The following FRMD4A variants were observed in gnomAD, a reference collection of about 807,000 sequenced individuals.
The protein encoded by FRMD4A is FERM domain containing 4A.
Under a neutral mutation model 129.1 loss-of-function variants are expected in FRMD4A, and 29 were observed. That is an observed-to-expected ratio of 0.22 (90% confidence interval 0.17 to 0.31). The LOEUF is 0.31. Ranked by LOEUF, FRMD4A falls within the 10% of genes least tolerant of loss-of-function variation. The pLI is 1.00. For synonymous variants in FRMD4A, 634 were observed against 571.6 expected (o/e 1.11, Z -1.56); for missense variants, 1,272 against 1,375.8 (o/e 0.92, Z 1.19).
intron 2 of FRMD4A, among the ~76,000 whole-genome samples, chr10:13,925,883 C>CTTTT (rs150868660): frequency 3.0e-5 from 4 of 135,538 alleles, no homozygotes; most frequent in Admixed American, 7.3e-5. Flanking sequence ...GCACCTGGCT[C>CTTTT]TTTTTTTTTT....
intron 2 of FRMD4A, among the ~76,000 whole-genome samples, chr10:14,010,867 C>T (rs1030112019): frequency 7.9e-5 from 12 of 152,132 alleles, no homozygotes; most frequent in South Asian, 2.1e-4. Context: ...GATATGCATT[C>T]ATACTCTCAC....
chr10:13,874,040 A>G (rs1316922016), intron 2 of FRMD4A, among the ~76,000 whole-genome samples: 1 of 150,366 alleles, frequency 6.7e-6, no homozygotes, highest in Non-Finnish European at 1.5e-5. Flanking sequence ...AGAGGTCAGG[A>G]GTTGAGACCA....
At chr10:14,096,023 C>T (rs1338783681) in intron 2 of FRMD4A, among the ~76,000 whole-genome samples, 1 of 152,236 alleles carries the variant, frequency 6.6e-6, no homozygotes, top group East Asian at 1.9e-4. Context: ...CCTCGCCATC[C>T]TGTTCTTGGG....
At chr10:14,161,282 T>C (rs768434526) in intron 2 of FRMD4A, among the ~76,000 whole-genome samples, 6 of 152,116 alleles carry the variant, frequency 3.9e-5, no homozygotes, top group African/African-American at 7.2e-5. Context: ...AAACTAGAAA[T>C]AGAGCTACCA....
At chr10:14,094,705 T>C (rs764245425) in intron 2 of FRMD4A, among the ~76,000 whole-genome samples, 2 of 152,184 alleles carry the variant, frequency 1.3e-5, no homozygotes, top group African/African-American at 4.8e-5. Flanking sequence ...TGATCTTTGG[T>C]GACTCTGTTC....
intron 4 of FRMD4A, among the ~76,000 whole-genome samples, chr10:13,800,359 T>C (rs939668959): frequency 6.6e-6 from 1 of 152,170 alleles, no homozygotes; most frequent in Admixed American, 6.5e-5. Flanking sequence ...CCAATGACAA[T>C]GTAGGCTTAA....
chr10:14,312,021 T>A (rs12761159), intron 2 of FRMD4A, among the ~76,000 whole-genome samples: 2,400 of 152,282 alleles, frequency 0.016, 31 homozygotes, highest in African/African-American at 0.026. Flanking sequence ...ATCTTAGATA[T>A]CTGTTCAGTA....
rs548698373 is a variant in FRMD4A, at chr10:13,727,091, G to A, written c.759+10753C>T. Among the ~76,000 whole-genome samples the A allele has an allele frequency of 5.3e-5, 8 of 152,030 alleles. No individual in the cohort carries two copies. In the East Asian group the frequency reaches 1.2e-3, roughly 22 times the overall value. The stretch of plus-strand genomic sequence containing the variant: ...CTAATTTTGTATTTTTAGTAGAGAC[G>A]GGGCTTCGCTATGTTGGCCAGGCTG... On this transcript the variant is annotated intron_variant, in intron 12 of 24. Coordinates refer to ENST00000357447, the MANE Select transcript of FRMD4A (RefSeq NM_018027.5).
chr10:13,828,640 C>G (rs1048570521), intron 3 of FRMD4A, among the ~76,000 whole-genome samples: 1 of 151,788 alleles, frequency 6.6e-6, no homozygotes, highest in African/African-American at 2.4e-5. Context: ...TCAAGCAATT[C>G]TCCTGCCTCA....
At chr10:14,254,383 C>T (rs927332266) in intron 2 of FRMD4A, among the ~76,000 whole-genome samples, 1 of 152,134 alleles carries the variant, frequency 6.6e-6, no homozygotes, top group Non-Finnish European at 1.5e-5. Flanking sequence ...ATGTCGTTTG[C>T]TTTGTCTGAG....
At chr10:13,725,760 C>T (rs774627462) in intron 12 of FRMD4A, among the ~76,000 whole-genome samples, 9 of 152,172 alleles carry the variant, frequency 5.9e-5, no homozygotes, top group Admixed American at 1.3e-4. Flanking sequence ...CACAAAGAGA[C>T]GTTGTTTGCT....
intron 2 of FRMD4A, among the ~76,000 whole-genome samples, chr10:14,214,146 CT>C (rs1470310205): frequency 2.6e-5 from 4 of 152,168 alleles, no homozygotes; most frequent in Non-Finnish European, 5.9e-5. Context: ...ACCTCTTTTT[CT>C]TTTTTAATGA....
intron 2 of FRMD4A, among the ~76,000 whole-genome samples, chr10:14,185,441 G>T (rs558202629): frequency 6.6e-6 from 1 of 152,348 alleles, no homozygotes; most frequent in South Asian, 2.1e-4. Context: ...TACAGATGAG[G>T]ATGTCGTGGC....
chr10:13,752,907 G>A (rs1019448593), intron 8 of FRMD4A, among the ~76,000 whole-genome samples: 1 of 152,216 alleles, frequency 6.6e-6, no homozygotes, highest in Non-Finnish European at 1.5e-5. Flanking sequence ...GCATATCCAT[G>A]TTTTGGGCTG....
intron 2 of FRMD4A, among the ~76,000 whole-genome samples, chr10:14,318,612 CAA>C (rs66547751): frequency 0.26 from 35,337 of 134,926 alleles, 4,577 homozygotes; most frequent in Admixed American, 0.33. Context: ...TGCTAGTATG[CAA>C]AAAAAAAAAA....
intron 2 of FRMD4A, among the ~76,000 whole-genome samples, chr10:14,090,096 T>C (rs1011400248): frequency 6.6e-6 from 1 of 152,106 alleles, no homozygotes; most frequent in Non-Finnish European, 1.5e-5. Context: ...TGGGAGAATA[T>C]TTATAGCAGG....
intron 2 of FRMD4A, among the ~76,000 whole-genome samples, chr10:14,227,773 G>A (rs1843495799): frequency 6.6e-6 from 1 of 152,178 alleles, no homozygotes; most frequent in Non-Finnish European, 1.5e-5. Context: ...CTAGACCCCA[G>A]AACAGGTTCC....
chr10:13,660,545 G>T lies in FRMD4A; in HGVS notation c.1669C>A (p.Gln557Lys). The change falls in exon 20 of 25, where the codon CAG becomes AAG. Residue 557 changes from glutamine (Q) to lysine (K), a missense_variant. Transcript: ENST00000357447. ...AGGGGGGATATTGTGCTGGTAACCT[G>T]AGAGTCTTCTGCACAAAGACAGGAA... ...DALVLEDEDS[Q>K]VTSTISPLHS... 2 of 1,595,382 alleles carry T rather than the reference G, an allele frequency of 1.3e-6. No homozygotes were observed. Among genetic ancestry groups the T allele is most frequent in the African/African-American group, 1.3e-5 (1 of 74,634 alleles).
At chr10:14,050,566 G>C (rs956874168) in intron 2 of FRMD4A, among the ~76,000 whole-genome samples, 2 of 152,126 alleles carry the variant, frequency 1.3e-5, no homozygotes, top group Non-Finnish European at 2.9e-5. Flanking sequence ...AGGTAGCTTG[G>C]GGGTGGGGGC....
Sources: allele counts gnomAD v4.1 joint callset (sites outside exome capture counted in the v4.1 genomes callset), GRCh38; gene constraint gnomAD v4.1.1; transcripts MANE v1.5; gene names NCBI Gene and HGNC (gene_info 2026-07-23, HGNC 2026-07-21).